CHRM5: variants seen among roughly 807,000 people sequenced by gnomAD.
CHRM5 encodes muscarinic acetylcholine receptor M5.
In CHRM5, 18 loss-of-function variants were observed where a neutral mutation model predicts 39.0. That is an observed-to-expected ratio of 0.46 (90% CI 0.32 to 0.68). CHRM5 has a LOEUF of 0.68. Ranked by LOEUF, CHRM5 falls within the 30% of genes least tolerant of loss-of-function variation. CHRM5 has a pLI of 0.04. For missense variants in CHRM5, 515 were observed against 651.1 expected (o/e 0.79, Z 2.28); for synonymous variants, 241 against 246.3 (o/e 0.98, Z 0.20).
chr15:34,002,022 C>G (rs1399582775), intron 1 of CHRM5, among the ~76,000 whole-genome samples: 1 of 152,208 alleles, frequency 6.6e-6, no homozygotes, highest in Non-Finnish European at 1.5e-5. Flanking sequence ...GATTCACACA[C>G]AGTTATAAAG....
In CHRM5 at chr15:34,020,429, T is replaced by C. The variant is rs80277984; in HGVS notation, c.-407-26111T>C. ...ACAATATAAATCCAAGGAGGCAAATTAGAAATTTGGTTGAAACAATACTAT... is the reference window on the plus strand; with the variant it reads ...ACAATATAAATCCAAGGAGGCAAATCAGAAATTTGGTTGAAACAATACTAT... On this transcript the variant is annotated intron_variant, in intron 1 of 2. Transcript: ENST00000383263. Among the ~76,000 whole-genome samples, 925 of 152,348 alleles carry C rather than the reference T, an allele frequency of 6.1e-3. 21 individuals carry two copies. Among genetic ancestry groups the C allele is most frequent in the Admixed American group, 0.044 (670 of 15,298 alleles).
intron 1 of CHRM5, among the ~76,000 whole-genome samples, chr15:33,987,233 T>A (rs1896516160): frequency 6.6e-6 from 1 of 152,232 alleles, no homozygotes; most frequent in African/African-American, 2.4e-5. Flanking sequence ...CAATGCAGTA[T>A]CCCATATGTG....
chr15:34,010,279 A>G (rs568263494), intron 1 of CHRM5, among the ~76,000 whole-genome samples: 1 of 152,310 alleles, frequency 6.6e-6, no homozygotes, highest in South Asian at 2.1e-4. Context: ...TGAACAGTAT[A>G]TTTGGACAAC....
intron 2 of CHRM5, among the ~76,000 whole-genome samples, chr15:34,053,319 A>AAATATATATATATATATATAT (rs775436850): frequency 2.4e-5 from 1 of 42,070 alleles, no homozygotes; most frequent in African/African-American, 8.0e-5. Context: ...AAAAAAAAAA[A>AAATATATATATATATATATAT]ATATATATAT....
At chr15:34,014,906 GAAT>G (rs1237020700) in intron 1 of CHRM5, among the ~76,000 whole-genome samples, 1 of 152,136 alleles carries the variant, frequency 6.6e-6, no homozygotes, top group Admixed American at 6.5e-5. Flanking sequence ...AGCAGAAGAG[GAAT>G]AATAAAAGAT....
chr15:34,057,186 T>G (rs1597392453), intron 2 of CHRM5, among the ~76,000 whole-genome samples: 1 of 150,478 alleles, frequency 6.6e-6, no homozygotes, highest in African/African-American at 2.4e-5. Context: ...CAGGCTGGAG[T>G]GCAGTCGCAT....
chr15:34,042,289 A>T (rs1899503282), intron 1 of CHRM5, among the ~76,000 whole-genome samples: 1 of 152,090 alleles, frequency 6.6e-6, no homozygotes, highest in Admixed American at 6.6e-5. Flanking sequence ...CTTAGGTAGG[A>T]CTCATGAGAA....
At chr15:34,003,270 C>A in intron 1 of CHRM5, 4 of 1,477,274 alleles carry the variant, frequency 2.7e-6, no homozygotes, top group Admixed American at 4.0e-5. Flanking sequence ...TAGTAGACTT[C>A]CCAGTAAAAC....
chr15:33,990,473 T>C (rs1247078757), intron 1 of CHRM5, among the ~76,000 whole-genome samples: 1 of 152,330 alleles, frequency 6.6e-6, no homozygotes, highest in East Asian at 1.9e-4. Context: ...TATAAGTCAT[T>C]TGATAACCAG....
intron 1 of CHRM5, among the ~76,000 whole-genome samples, chr15:34,044,615 C>A (rs919126463): frequency 2.8e-4 from 42 of 152,172 alleles, no homozygotes; most frequent in African/African-American, 1.0e-3. Context: ...TCTGGAATAA[C>A]AAGACAATAC....
At chr15:34,019,291 T>C (rs537389587) in intron 1 of CHRM5, among the ~76,000 whole-genome samples, 12 of 152,210 alleles carry the variant, frequency 7.9e-5, no homozygotes, top group Non-Finnish European at 1.8e-4. Context: ...ATTTTTAAAA[T>C]AGAAAACAAA....
chr15:34,033,085 CA>C lies in CHRM5; in HGVS notation c.-407-13450del, dbSNP rs552421571. 1.1e-3 allele frequency among the ~76,000 whole-genome samples: 164 copies of C among 152,164 alleles called. 3 individuals are homozygous for C. The highest frequency in any genetic ancestry group is 3.6e-3 in the African/African-American group (150 of 41,516). On this transcript the variant is annotated intron_variant, in intron 1 of 2. Coordinates refer to ENST00000383263, the MANE Select transcript of CHRM5 (RefSeq NM_012125.4). ...TTCTCAATCCTTACATCTATAAAAT[CA>C]AAAATTAGGAAAAGAATTGACACTG... is the stretch of plus-strand genomic sequence containing the variant.
At chr15:34,008,427 GAAAAAAAAAA>G (rs567832948) in intron 1 of CHRM5, among the ~76,000 whole-genome samples, 1 of 94,226 alleles carries the variant, frequency 1.1e-5, no homozygotes, top group African/African-American at 4.9e-5. Flanking sequence ...CTCTTAAAAA[GAAAAAAAAAA>G]AGAAGAAAAA....
chr15:34,044,390 T>A (rs1899606478), intron 1 of CHRM5, among the ~76,000 whole-genome samples: 1 of 152,226 alleles, frequency 6.6e-6, no homozygotes, highest in South Asian at 2.1e-4. Flanking sequence ...TCCTTCCTCC[T>A]TGAAACATTT....
In CHRM5 at chr15:34,065,466, G is replaced by A. The variant is rs1900485829; in HGVS notation, c.*1150G>A. ...AAGCAGGGGGTTGTGGGGTGAGGTG[G>A]GGGTAGAAAGTCTTTTTTTATAGGT... On this transcript the variant is annotated 3_prime_UTR_variant, in exon 3 of 3. Coordinates refer to ENST00000383263, the MANE Select transcript of CHRM5 (RefSeq NM_012125.4). 1.3e-5 allele frequency: 2 copies of A among 152,126 alleles called. No individual in the cohort carries two copies. The highest frequency in any genetic ancestry group is 4.8e-5 in the African/African-American group (2 of 41,420). 9.4% of individuals were successfully genotyped at this position (152,126 alleles called of 1,614,324 possible).
intron 1 of CHRM5, among the ~76,000 whole-genome samples, chr15:33,992,880 A>G (rs1896788516): frequency 6.6e-6 from 1 of 152,266 alleles, no homozygotes; most frequent in Non-Finnish European, 1.5e-5. Context: ...TTTTCATAAA[A>G]TTAAATTGAA....
At chr15:33,991,405 A>G (rs1355480314) in intron 1 of CHRM5, 4 of 152,088 alleles carry the variant, frequency 2.6e-5, no homozygotes, top group Non-Finnish European at 5.9e-5. Flanking sequence ...TGGATACCCA[A>G]TTTTCCATGA....
At chr15:33,993,689 T>C (rs1377678582) in intron 1 of CHRM5, among the ~76,000 whole-genome samples, 1 of 152,100 alleles carries the variant, frequency 6.6e-6, no homozygotes, top group Non-Finnish European at 1.5e-5. Flanking sequence ...GGCCAGGAAA[T>C]AGAATACTGC....
chr15:34,022,958 C>A, intron 1 of CHRM5, among the ~76,000 whole-genome samples: 1 of 152,292 alleles, frequency 6.6e-6, no homozygotes, highest in Non-Finnish European at 1.5e-5. Flanking sequence ...GAGGCCGAGG[C>A]GGGCGGATCA....
Sources: allele counts gnomAD v4.1 joint callset (sites outside exome capture counted in the v4.1 genomes callset), GRCh38; gene constraint gnomAD v4.1.1; transcripts MANE v1.5; gene names NCBI Gene and HGNC (gene_info 2026-07-23, HGNC 2026-07-21).